JPH3: variants seen among roughly 807,000 people sequenced by gnomAD.
JPH3 encodes the protein junctophilin-3.
In JPH3, 11 loss-of-function variants were observed where a neutral mutation model predicts 59.6. The ratio of observed to expected loss-of-function variants is 0.18; its 90% confidence interval spans 0.12 to 0.31. JPH3 has a LOEUF of 0.31. Among genes scored for constraint, JPH3 ranks in the 10% least tolerant of loss-of-function variants. JPH3 has a pLI of 1.00. For missense variants in JPH3, 1,202 were observed against 1,105.7 expected, an observed-to-expected ratio of 1.09 and a Z score of -1.24; for synonymous variants, 673 against 483.6, an observed-to-expected ratio of 1.39 and a Z score of -5.14.
At chr16:87,665,542 G>T (rs995991656) in intron 2 of JPH3, among the ~76,000 whole-genome samples, 1 of 152,224 alleles carries the variant, frequency 6.6e-6, no homozygotes, top group African/African-American at 2.4e-5. Flanking sequence ...ATTGTGGGGT[G>T]AGCCCCACCT....
At chr16:87,610,486 G>A (rs554048723) in intron 1 of JPH3, among the ~76,000 whole-genome samples, 1 of 152,166 alleles carries the variant, frequency 6.6e-6, no homozygotes, top group Admixed American at 6.5e-5. Flanking sequence ...GGCACGTGGT[G>A]GTCAATAAAT....
chr16:87,691,407 G>A (rs534919868), intron 4 of JPH3, among the ~76,000 whole-genome samples: 11 of 152,360 alleles, frequency 7.2e-5, no homozygotes, highest in East Asian at 1.9e-4. Flanking sequence ...CAGGCAGTGC[G>A]TGGTGCTGAA....
intron 1 of JPH3, among the ~76,000 whole-genome samples, chr16:87,606,945 C>G (rs1385477645): frequency 6.6e-6 from 1 of 152,166 alleles, no homozygotes; most frequent in Admixed American, 6.5e-5. Context: ...ATTTTCCACA[C>G]TGGGAAGTGG....
In JPH3 at chr16:87,696,599, T is replaced by C. The variant is rs2033869276; in HGVS notation, c.2186T>C (p.Val729Ala). The change falls in exon 5 of 5, where the codon GTG becomes GCG. Residue 729 changes from valine (V) to alanine (A), a missense_variant. Physicochemically the swap from Val to Ala is moderately conservative, Grantham distance 64 (BLOSUM62 0). Transcript: ENST00000284262. The part of the protein sequence containing the change: ...KSSTGSAPIL[V>A]VMVILLNIGV... Reference sequence around the variant, plus strand: ...TTCCAGGGCTCAGCGCCTATCCTGGTGGTCATGGTGATCTTGCTCAACATC... The same window carrying C: ...TTCCAGGGCTCAGCGCCTATCCTGGCGGTCATGGTGATCTTGCTCAACATC... 1 of 1,613,552 alleles carries C rather than the reference T, an allele frequency of 6.2e-7. No individual in the cohort carries two copies. The highest frequency in any genetic ancestry group is 8.5e-7 in the Non-Finnish European group (1 of 1,179,890).
intron 2 of JPH3, among the ~76,000 whole-genome samples, chr16:87,672,162 T>A (rs1397355602): frequency 1.3e-5 from 2 of 151,946 alleles, no homozygotes; most frequent in African/African-American, 4.8e-5. Context: ...GCACTGAGTC[T>A]AAACATAGGC....
chr16:87,611,421 G>T lies in JPH3; in HGVS notation c.382+7893G>T, dbSNP rs965643032. Among the ~76,000 whole-genome samples, 1 of 152,114 alleles carries T rather than the reference G, an allele frequency of 6.6e-6. No homozygotes were observed. Among genetic ancestry groups the T allele is most frequent in the Non-Finnish European group, 1.5e-5 (1 of 68,028 alleles). On this transcript the variant is annotated intron_variant, in intron 1 of 4. Coordinates refer to ENST00000284262, the MANE Select transcript of JPH3 (RefSeq NM_020655.4). This position sits in a 1 kb window ranked among gnomAD's most constrained non-coding sequence, Gnocchi z 4.5. ...AGCCTGAGGCTGCAGATTTGTTCGA[G>T]GCCATGTCTCCCTCAGCCTCAGCTT...
intron 2 of JPH3, among the ~76,000 whole-genome samples, chr16:87,662,021 C>T (rs775906674): frequency 6.6e-5 from 10 of 152,224 alleles, no homozygotes; most frequent in Non-Finnish European, 1.3e-4. Context: ...GCATGGTTGT[C>T]TCACAAATTT....
chr16:87,688,432 G>A (rs1036671108), intron 3 of JPH3, among the ~76,000 whole-genome samples: 6 of 151,450 alleles, frequency 4.0e-5, no homozygotes, highest in Non-Finnish European at 7.3e-5. Flanking sequence ...CACACCGAGG[G>A]TAGCCATGTC....
rs952887223 is a variant in JPH3 at position 87,696,827 on chromosome 16, T to C, written c.*167T>C. On this transcript the variant is annotated 3_prime_UTR_variant, in exon 5 of 5. Transcript: ENST00000284262. ...GGTATCACTCACAGTTTGCCTTTTT[T>C]TCTGGGTAATGTTTTTTGGATTTTA... 1 of 631,224 alleles carries C rather than the reference T, an allele frequency of 1.6e-6. No individual in the cohort carries two copies. The highest frequency in any genetic ancestry group is 2.8e-6 in the Non-Finnish European group (1 of 356,572). 39.1% of individuals were successfully genotyped at this position (631,224 alleles called of 1,614,324 possible).
rs906371230 is a variant in JPH3, at chr16:87,611,076, C to T, written c.382+7548C>T. ...GTATTTGCTGAGCATTGAGTATGTACGCAGTACAGAGTTTGTGGTAACGTG... is the reference window on the plus strand; with the variant it reads ...GTATTTGCTGAGCATTGAGTATGTATGCAGTACAGAGTTTGTGGTAACGTG... On this transcript the variant is annotated intron_variant, in intron 1 of 4. Transcript: ENST00000284262. The surrounding 1 kb of genome is among the most constrained non-coding windows in gnomAD (Gnocchi z 4.5). 2.6e-5 allele frequency among the ~76,000 whole-genome samples: 4 copies of T among 152,030 alleles called. No individual in the cohort carries two copies. Among genetic ancestry groups the T allele is most frequent in the African/African-American group, 7.3e-5 (3 of 41,364 alleles).
Position 87,684,256 on chromosome 16 carries a change from C to A in JPH3, c.1275C>A (p.His425Gln), listed in dbSNP as rs145874139. The A allele has an allele frequency of 3.6e-5, 58 of 1,613,848 alleles. No individual in the cohort carries two copies. In the African/African-American group the frequency reaches 7.3e-4, roughly 20 times the overall value. ...AAGAGTTCTCCCCTTCCTTCCAGCACCGGGAAAACGGTGAGTCTCGCCGGG... is the reference window on the plus strand; with the variant it reads ...AAGAGTTCTCCCCTTCCTTCCAGCAACGGGAAAACGGTGAGTCTCGCCGGG... ...TAKEFSPSFQ[H>Q]RENGLEYQRP... is the part of the protein sequence containing the mutation. The change falls in exon 3 of 5, where the codon CAC becomes CAA. Residue 425 changes from histidine (H) to glutamine (Q), a missense_variant. Coordinates refer to ENST00000284262, the MANE Select transcript of JPH3 (RefSeq NM_020655.4).
intron 2 of JPH3, among the ~76,000 whole-genome samples, chr16:87,664,127 T>C (rs142915620): frequency 0.066 from 10,024 of 151,634 alleles, 1,126 homozygotes; most frequent in African/African-American, 0.23. Flanking sequence ...GTCAGCAGAT[T>C]GATAGCATCC....
intron 2 of JPH3, among the ~76,000 whole-genome samples, chr16:87,678,185 G>A (rs1349815379): frequency 1.3e-5 from 2 of 152,182 alleles, no homozygotes; most frequent in Non-Finnish European, 2.9e-5. Context: ...AGACTGTGGT[G>A]AGCAGTGATT....
chr16:87,613,579 T>C (rs746953831), intron 1 of JPH3, among the ~76,000 whole-genome samples: 5 of 152,090 alleles, frequency 3.3e-5, no homozygotes, highest in Admixed American at 3.3e-4. Flanking sequence ...CCTCAGCCTC[T>C]CAAAGTGCTG....
At chr16:87,682,325 T>G (rs1234859601) in intron 2 of JPH3, among the ~76,000 whole-genome samples, 1 of 151,952 alleles carries the variant, frequency 6.6e-6, no homozygotes, top group East Asian at 1.9e-4. Flanking sequence ...GCCCATGGAG[T>G]TGGAGTGACA....
chr16:87,665,189 C>A (rs942520277), intron 2 of JPH3, among the ~76,000 whole-genome samples: 1 of 152,114 alleles, frequency 6.6e-6, no homozygotes, highest in Non-Finnish European at 1.5e-5. Flanking sequence ...CTAGAACCTT[C>A]TCCCCAGGGT....
At chr16:87,632,539 C>T (rs79551380) in intron 1 of JPH3, among the ~76,000 whole-genome samples, 3,758 of 152,284 alleles carry the variant, frequency 0.025, 152 homozygotes, top group African/African-American at 0.085. Flanking sequence ...TCCTGGGCTC[C>T]AGCCCCTCCT....
At chr16:87,690,810 G>C (rs928268078) in intron 4 of JPH3, among the ~76,000 whole-genome samples, 13 of 152,222 alleles carry the variant, frequency 8.5e-5, no homozygotes, top group Non-Finnish European at 1.5e-4. Context: ...GGATCCCTGC[G>C]CTCCCCGCAA....
At chr16:87,627,752 C>T (rs552010450) in intron 1 of JPH3, among the ~76,000 whole-genome samples, 4 of 152,330 alleles carry the variant, frequency 2.6e-5, no homozygotes, top group South Asian at 2.1e-4. Context: ...AAGCTAACAG[C>T]CAGGATCCGA....
Sources: allele counts gnomAD v4.1 joint callset (sites outside exome capture counted in the v4.1 genomes callset), GRCh38; gene constraint gnomAD v4.1.1; non-coding constraint Gnocchi (gnomAD v3.1); transcripts MANE v1.5; gene names NCBI Gene and HGNC (gene_info 2026-07-23, HGNC 2026-07-21).